Variants in CMIP observed in about 807,000 individuals in gnomAD.
The protein encoded by CMIP is c-Maf inducing protein, also known as C-Maf-inducing protein.
CMIP carries 13 observed loss-of-function variants against 97.3 expected under a neutral mutation model. The observed-to-expected ratio is 0.13, with a 90% CI of 0.09 to 0.21. CMIP has a LOEUF of 0.21. Ranked by LOEUF, CMIP falls within the 10% of genes least tolerant of loss-of-function variation. CMIP has a pLI of 1.00. For missense variants in CMIP, 847 were observed against 1,024.9 expected (o/e 0.83, Z 2.37); for synonymous variants, 538 against 436.3 (o/e 1.23, Z -2.91).
In CMIP at chr16:81,660,447, G is replaced by A. The variant is rs547832470; in HGVS notation, c.682-437G>A. 7.4e-4 allele frequency among the ~76,000 whole-genome samples: 112 copies of A among 151,910 alleles called. 1 individual carries two copies. The highest frequency in any genetic ancestry group is 1.2e-3 in the Non-Finnish European group (79 of 67,964). On this transcript the variant is annotated intron_variant, in intron 5 of 20. Transcript: ENST00000537098. Reference sequence around the variant, plus strand: ...ACACCACCACACCCAGTTAATTTTTGTATTTTTGGTAGAGACGGAGTTTCC... The same window carrying A: ...ACACCACCACACCCAGTTAATTTTTATATTTTTGGTAGAGACGGAGTTTCC...
intron 7 of CMIP, among the ~76,000 whole-genome samples, chr16:81,668,855 G>GCCTTCCACACCCACCTCACACTC (rs2092641285): frequency 1.7e-5 from 2 of 116,286 alleles, no homozygotes; most frequent in Admixed American, 8.3e-5. Context: ...CACACTCACT[G>GCCTTCCACACCCACCTCACACTC]CCTTCCACAC....
intron 1 of CMIP, among the ~76,000 whole-genome samples, chr16:81,562,716 G>A (rs185566893): frequency 1.0e-3 from 155 of 152,360 alleles, no homozygotes; most frequent in Admixed American, 1.9e-3. Context: ...GTGCCAGATG[G>A]CACAGAGCCA....
At chr16:81,484,202 G>A (rs2089277742) in intron 1 of CMIP, among the ~76,000 whole-genome samples, 1 of 152,104 alleles carries the variant, frequency 6.6e-6, no homozygotes, top group Non-Finnish European at 1.5e-5. Context: ...CCCTTCCCTG[G>A]CGGACCTCGC....
At chr16:81,462,922 C>T (rs530468407) in intron 1 of CMIP, among the ~76,000 whole-genome samples, 45 of 152,254 alleles carry the variant, frequency 3.0e-4, no homozygotes, top group African/African-American at 1.0e-3. Context: ...CCCTTGATGA[C>T]CAACGATTAA....
At chr16:81,591,834 T>TTTC (rs2091471356) in intron 1 of CMIP, among the ~76,000 whole-genome samples, 1 of 150,570 alleles carries the variant, frequency 6.6e-6, no homozygotes, top group East Asian at 2.0e-4. Context: ...TTCTTTCTTT[T>TTTC]TTTTTTTTGA....
chr16:81,639,368 C>T (rs2092276260), intron 3 of CMIP, among the ~76,000 whole-genome samples: 1 of 152,230 alleles, frequency 6.6e-6, no homozygotes, highest in Non-Finnish European at 1.5e-5. Context: ...CATCCGTCTC[C>T]AGAACTTTCT....
chr16:81,547,714 G>A (rs1433491607), intron 1 of CMIP, among the ~76,000 whole-genome samples: 1 of 152,200 alleles, frequency 6.6e-6, no homozygotes, highest in Non-Finnish European at 1.5e-5. Context: ...AAACACTTCA[G>A]GAAATGGCCC....
At chr16:81,644,672 A>G (rs1315834334) in intron 3 of CMIP, among the ~76,000 whole-genome samples, 1 of 152,204 alleles carries the variant, frequency 6.6e-6, no homozygotes, top group Non-Finnish European at 1.5e-5. Flanking sequence ...ATTATTTCCT[A>G]CACACTTAGC....
Position 81,696,629 on chromosome 16 carries a change from G to A in CMIP, c.1600G>A (p.Val534Met). The A allele has an allele frequency of 6.2e-7, 1 of 1,607,344 alleles. No homozygotes were observed. Among genetic ancestry groups the A allele is most frequent in the South Asian group, 1.1e-5 (1 of 91,064 alleles). ...GWFQLYSPGG[V>M]ACDDDGELFA... Reference sequence around the variant, plus strand: ...GTTCCAGCTCTACAGCCCCGGAGGGGTGGCCTGCGACGATGACGGGGAGCT... The same window carrying A: ...GTTCCAGCTCTACAGCCCCGGAGGGATGGCCTGCGACGATGACGGGGAGCT... The change falls in exon 14 of 21, where the codon GTG (valine) becomes ATG (methionine). Residue 534 changes from valine to methionine, a missense_variant. Transcript: ENST00000537098.
intron 1 of CMIP, among the ~76,000 whole-genome samples, chr16:81,578,580 C>T (rs2091241864): frequency 6.6e-6 from 1 of 152,218 alleles, no homozygotes; most frequent in South Asian, 2.1e-4. Flanking sequence ...TGAATTTCCC[C>T]ACCCCTTCCT....
intron 1 of CMIP, among the ~76,000 whole-genome samples, chr16:81,469,587 C>T (rs763267100): frequency 2.6e-5 from 4 of 152,146 alleles, no homozygotes; most frequent in Admixed American, 6.5e-5. Flanking sequence ...GTCTGAGGGG[C>T]CAGAGAGGGC....
At chr16:81,586,082 CTGTT>C (rs2091377463) in intron 1 of CMIP, among the ~76,000 whole-genome samples, 1 of 137,422 alleles carries the variant, frequency 7.3e-6, no homozygotes, top group South Asian at 2.5e-4. Context: ...ATGTTGTCAT[CTGTT>C]TGTGCTCCTA....
At position 81,607,605 on chromosome 16, in the gene CMIP, A is replaced by T; in HGVS notation, c.339A>T (p.Ala113=). ...TGGAAAACTCAGTCTCCTACAGCGC[A>T]ATTGAAGACGTTCAGCTGCTGTCCT... is the stretch of plus-strand genomic sequence containing the variant. ...GYMENSVSYS[A]IEDVQLLSWE... The change falls in exon 2 of 21, where the codon GCA becomes GCT. Residue 113 remains alanine, a synonymous_variant. Transcript: ENST00000537098. 1 of 1,614,026 alleles carries T rather than the reference A, an allele frequency of 6.2e-7. No homozygotes were observed. Among genetic ancestry groups the T allele is most frequent in the East Asian group, 2.2e-5 (1 of 44,890 alleles).
chr16:81,521,617 G>A lies in CMIP; in HGVS notation c.300+76076G>A, dbSNP rs182686899. Among the ~76,000 whole-genome samples, 873 of 152,244 alleles carry A rather than the reference G, an allele frequency of 5.7e-3. 8 individuals are homozygous for A. The highest frequency in any genetic ancestry group is 9.9e-3 in the Admixed American group (151 of 15,290). ...TGAACCTAGCAGGTCGAGTCTGTGC[G>A]GAGCTTCTTCAAAAAGCCCCTCCCT... On this transcript the variant is annotated intron_variant, in intron 1 of 20. Coordinates refer to ENST00000537098, the MANE Select transcript of CMIP (RefSeq NM_198390.3).
At chr16:81,613,194 G>C (rs17200742) in intron 2 of CMIP, among the ~76,000 whole-genome samples, 97,485 of 152,014 alleles carry the variant, frequency 0.64, 31,722 homozygotes, top group East Asian at 0.86. Context: ...AAGTTCTGGC[G>C]CTTCCCTTAG....
chr16:81,529,302 C>A (rs1471249260), intron 1 of CMIP, among the ~76,000 whole-genome samples: 1 of 152,040 alleles, frequency 6.6e-6, no homozygotes, highest in African/African-American at 2.4e-5. Flanking sequence ...CACATGGTTT[C>A]TCAGATGGTA....
At chr16:81,666,638 C>A (rs1220470958) in intron 7 of CMIP, 1 of 152,132 alleles carries the variant, frequency 6.6e-6, no homozygotes, top group South Asian at 2.1e-4. Context: ...AACGAGTACC[C>A]CCTAAGTGAT....
At chr16:81,639,271 T>G (rs1165745930) in intron 3 of CMIP, among the ~76,000 whole-genome samples, 2 of 152,244 alleles carry the variant, frequency 1.3e-5, no homozygotes, top group Non-Finnish European at 1.5e-5. Context: ...CTTGTTTAGT[T>G]CGGTGAAATA....
chr16:81,642,665 C>T (rs753507464), intron 3 of CMIP, among the ~76,000 whole-genome samples: 6 of 152,066 alleles, frequency 3.9e-5, no homozygotes, highest in Non-Finnish European at 5.9e-5. Flanking sequence ...ATCTGCCGGG[C>T]GCGGTGGCTC....
Sources: gnomAD v4.1 joint callset for allele counts (sites outside exome capture counted in the v4.1 genomes callset) on GRCh38, gnomAD v4.1.1 for gene constraint, MANE v1.5 for transcripts, NCBI Gene and HGNC (gene_info 2026-07-23, HGNC 2026-07-21) for gene names.